The following ELMO1 variants were observed in gnomAD, a reference collection of about 807,000 sequenced individuals.
The protein encoded by ELMO1 is engulfment and cell motility protein 1.
Under a neutral mutation model 98.9 loss-of-function variants are expected in ELMO1, and 26 were observed. The ratio of observed to expected loss-of-function variants is 0.26; its 90% CI spans 0.19 to 0.36. The LOEUF (loss-of-function observed/expected upper bound fraction) is 0.36. ELMO1 is among the 10% of genes least tolerant of loss of function. ELMO1 has a pLI of 1.00. For synonymous variants in ELMO1, 346 were observed against 346.0 expected, an observed-to-expected ratio of 1.00 and a Z score of 0.00; for missense variants, 627 against 935.2, an observed-to-expected ratio of 0.67 and a Z score of 4.30.
At chr7:37,117,366 G>T (rs1026153424) in intron 14 of ELMO1, among the ~76,000 whole-genome samples, 2 of 152,148 alleles carry the variant, frequency 1.3e-5, no homozygotes, top group Non-Finnish European at 2.9e-5. Flanking sequence ...AAGAACACAG[G>T]TGAGCATCCG....
chr7:36,857,337 T>A (rs544070980), intron 21 of ELMO1, among the ~76,000 whole-genome samples: 1 of 152,214 alleles, frequency 6.6e-6, no homozygotes, highest in East Asian at 1.9e-4. Flanking sequence ...GAGATCCTGA[T>A]CATGTAGATC....
intron 15 of ELMO1, among the ~76,000 whole-genome samples, chr7:37,078,129 G>C (rs1324163563): frequency 6.6e-6 from 1 of 152,140 alleles, no homozygotes; most frequent in Non-Finnish European, 1.5e-5. Flanking sequence ...ATTTAAATCA[G>C]AAGGAAAACG....
At chr7:36,932,228 TAAG>T (rs1786108061) in intron 16 of ELMO1, among the ~76,000 whole-genome samples, 1 of 152,224 alleles carries the variant, frequency 6.6e-6, no homozygotes, top group African/African-American at 2.4e-5. Flanking sequence ...GTTTCCTTCA[TAAG>T]AAGTATTAGT....
At chr7:37,045,905 G>C (rs1037651371) in intron 15 of ELMO1, among the ~76,000 whole-genome samples, 4 of 152,152 alleles carry the variant, frequency 2.6e-5, no homozygotes, top group Non-Finnish European at 5.9e-5. Flanking sequence ...GGCTCTGAGA[G>C]GCGAAGGATA....
chr7:37,140,805 G>A (rs1787585515), intron 13 of ELMO1, among the ~76,000 whole-genome samples: 1 of 152,070 alleles, frequency 6.6e-6, no homozygotes, highest in Admixed American at 6.6e-5. Context: ...TAATAATCAG[G>A]GAAATGCAAA....
At chr7:36,982,344 G>T (rs1383093902) in intron 16 of ELMO1, among the ~76,000 whole-genome samples, 5 of 152,150 alleles carry the variant, frequency 3.3e-5, no homozygotes, top group African/African-American at 1.2e-4. Flanking sequence ...TAATAGTTTT[G>T]TAGATACATG....
intron 16 of ELMO1, among the ~76,000 whole-genome samples, chr7:36,938,941 T>C (rs928151332): frequency 5.9e-5 from 9 of 152,076 alleles, no homozygotes; most frequent in Admixed American, 2.6e-4. Flanking sequence ...GGTGGGAGGA[T>C]TGTTTGAGCC....
intron 13 of ELMO1, among the ~76,000 whole-genome samples, chr7:37,151,278 T>A (rs1788339159): frequency 6.6e-6 from 1 of 152,146 alleles, no homozygotes; most frequent in African/African-American, 2.4e-5. Flanking sequence ...AAAACCCCCA[T>A]CCTTTATTGT....
intron 14 of ELMO1, among the ~76,000 whole-genome samples, chr7:37,121,115 C>A (rs1009329346): frequency 5.9e-5 from 9 of 152,064 alleles, no homozygotes; most frequent in African/African-American, 1.9e-4. Flanking sequence ...CACACCAAAA[C>A]CCCATCTGCA....
rs527988171 is a variant in ELMO1, at chr7:37,085,997, T to A, written c.1300+10622A>T. ...GGATGTAAGTTTCATCCAAGGAAGG[T>A]CCCTGACAGCAACACCGTTGACCTG... is the stretch of plus-strand genomic sequence containing the variant. On this transcript the variant is annotated intron_variant, in intron 15 of 21. Transcript: ENST00000310758. Among the ~76,000 whole-genome samples the A allele has an allele frequency of 1.0e-3, 155 of 152,224 alleles. 1 individual carries two copies. In the South Asian group the frequency reaches 0.014, roughly 14 times the overall value.
chr7:37,160,586 A>G (rs1413302197), intron 13 of ELMO1, among the ~76,000 whole-genome samples: 3 of 152,200 alleles, frequency 2.0e-5, no homozygotes, highest in Non-Finnish European at 4.4e-5. Flanking sequence ...TGCCATAGGT[A>G]CTGCTTCTCT....
intron 15 of ELMO1, among the ~76,000 whole-genome samples, chr7:37,084,056 T>C (rs1783623897): frequency 6.6e-6 from 1 of 152,172 alleles, no homozygotes; most frequent in African/African-American, 2.4e-5. Context: ...CTGTGTGTTC[T>C]GAAACACAAG....
At chr7:37,204,542 G>A (rs1011901373) in intron 13 of ELMO1, among the ~76,000 whole-genome samples, 5 of 152,218 alleles carry the variant, frequency 3.3e-5, no homozygotes, top group African/African-American at 1.2e-4. Flanking sequence ...TTATTGCAAA[G>A]AGCAAAAGAA....
chr7:36,900,552 T>C (rs532667016), intron 16 of ELMO1, among the ~76,000 whole-genome samples: 120 of 152,276 alleles, frequency 7.9e-4, no homozygotes, highest in African/African-American at 2.8e-3. Flanking sequence ...TGGGATGGCA[T>C]CTTAGGGCTC....
chr7:37,392,469 T>A (rs1470084428), intron 1 of ELMO1, among the ~76,000 whole-genome samples: 2 of 152,180 alleles, frequency 1.3e-5, no homozygotes, highest in African/African-American at 2.4e-5. Context: ...CATTCGCATA[T>A]CTAAAGCATG....
intron 1 of ELMO1, among the ~76,000 whole-genome samples, chr7:37,425,733 T>C (rs1392190431): frequency 6.6e-6 from 1 of 152,220 alleles, no homozygotes; most frequent in Non-Finnish European, 1.5e-5. Flanking sequence ...CAAAATGTCA[T>C]GGGTTTTATT....
At chr7:37,343,639 G>A (rs527536630) in intron 1 of ELMO1, among the ~76,000 whole-genome samples, 16 of 151,988 alleles carry the variant, frequency 1.1e-4, no homozygotes, top group Middle Eastern at 3.4e-3. Context: ...CCACCACCAC[G>A]CCTGGCTAAT....
chr7:37,396,015 C>T (rs890659587), intron 1 of ELMO1, among the ~76,000 whole-genome samples: 2 of 152,056 alleles, frequency 1.3e-5, no homozygotes, highest in Admixed American at 6.5e-5. Flanking sequence ...CTTATTGAGT[C>T]ATCCTCAGCT....
At chr7:37,389,955 T>A (rs1388384668) in intron 1 of ELMO1, among the ~76,000 whole-genome samples, 1 of 151,978 alleles carries the variant, frequency 6.6e-6, no homozygotes, top group Non-Finnish European at 1.5e-5. Flanking sequence ...TTCCAAAATC[T>A]CATAGCCTTC....
Sources: gnomAD v4.1 joint callset for allele counts (sites outside exome capture counted in the v4.1 genomes callset) on GRCh38, gnomAD v4.1.1 for gene constraint, MANE v1.5 for transcripts, NCBI Gene and HGNC (gene_info 2026-07-23, HGNC 2026-07-21) for gene names.